The following HECW1 variants were observed in gnomAD, a reference collection of about 807,000 sequenced individuals.
HECW1 encodes the protein HECT, C2 and WW domain containing E3 ubiquitin protein ligase 1.
In HECW1, 61 loss-of-function variants were observed where a neutral mutation model predicts 182.3. That is an observed-to-expected ratio of 0.33 (90% CI 0.27 to 0.41). The LOEUF (loss-of-function observed/expected upper bound fraction) is 0.41, where lower values mean the gene tolerates loss of function less well. Among genes scored for constraint, HECW1 ranks in the 10% least tolerant of loss-of-function variants. HECW1 has a pLI of 1.00. For missense variants in HECW1, 1,739 were observed against 2,108.9 expected (o/e 0.82, Z 3.44); for synonymous variants, 859 against 832.6 (o/e 1.03, Z -0.55).
intron 2 of HECW1, among the ~76,000 whole-genome samples, chr7:43,125,584 G>A (rs189055136): frequency 6.6e-6 from 1 of 150,566 alleles, no homozygotes; most frequent in African/African-American, 2.5e-5. Context: ...GTGAAACCTC[G>A]TCTGTACTAA....
chr7:43,340,890 C>T (rs1268244690), intron 5 of HECW1, among the ~76,000 whole-genome samples: 1 of 151,668 alleles, frequency 6.6e-6, no homozygotes, highest in Non-Finnish European at 1.5e-5. Context: ...CTCACAATAG[C>T]AAAGACTTGG....
intron 3 of HECW1, among the ~76,000 whole-genome samples, chr7:43,310,451 T>C (rs1389114311): frequency 6.6e-6 from 1 of 152,204 alleles, no homozygotes; most frequent in Non-Finnish European, 1.5e-5. Flanking sequence ...GAGATGCTTT[T>C]TGGAGTCTGT....
intron 3 of HECW1, among the ~76,000 whole-genome samples, chr7:43,309,307 G>T (rs1160324817): frequency 6.6e-6 from 1 of 152,144 alleles, no homozygotes; most frequent in Non-Finnish European, 1.5e-5. Flanking sequence ...GTGGGAGAGG[G>T]TGGGGTGCAA....
At chr7:43,339,029 G>T (rs1216181506) in intron 5 of HECW1, among the ~76,000 whole-genome samples, 1 of 152,116 alleles carries the variant, frequency 6.6e-6, no homozygotes, top group Admixed American at 6.5e-5. Context: ...AAAAGTCAAT[G>T]GTTAGTCTTT....
At chr7:43,252,642 G>T (rs1362306896) in intron 3 of HECW1, among the ~76,000 whole-genome samples, 1 of 152,162 alleles carries the variant, frequency 6.6e-6, no homozygotes, top group Non-Finnish European at 1.5e-5. Flanking sequence ...TTTGATCATT[G>T]GTTATGAGTT....
intron 2 of HECW1, among the ~76,000 whole-genome samples, chr7:43,239,516 G>A (rs1038310792): frequency 1.3e-5 from 2 of 152,180 alleles, no homozygotes; most frequent in Non-Finnish European, 2.9e-5. Context: ...GAGGCGGGCC[G>A]TAAATTTCCT....
At chr7:43,143,128 G>A (rs985108286) in intron 2 of HECW1, among the ~76,000 whole-genome samples, 6 of 152,112 alleles carry the variant, frequency 3.9e-5, no homozygotes, top group East Asian at 3.9e-4. Flanking sequence ...ATGCCACCAC[G>A]CCCAGCTAAT....
At chr7:43,465,532 A>G (rs1403578667) in intron 14 of HECW1, among the ~76,000 whole-genome samples, 2 of 152,202 alleles carry the variant, frequency 1.3e-5, no homozygotes, top group Non-Finnish European at 2.9e-5. Context: ...AGGTCTCTTG[A>G]AACCCTGATG....
At chr7:43,425,727 A>T (rs1277398029) in intron 8 of HECW1, among the ~76,000 whole-genome samples, 19 of 152,142 alleles carry the variant, frequency 1.2e-4, no homozygotes, top group Admixed American at 1.2e-3. Context: ...AACCAGGCCA[A>T]AGTCATCCTT....
chr7:43,306,379 T>A (rs1584410758), intron 3 of HECW1, among the ~76,000 whole-genome samples: 1 of 82,566 alleles, frequency 1.2e-5, no homozygotes, highest in Non-Finnish European at 2.2e-5. Context: ...TAAGCTTTGA[T>A]TTTTTTTTTT....
At chr7:43,259,481 ACAGAAG>A (rs572317616) in intron 3 of HECW1, among the ~76,000 whole-genome samples, 12 of 152,218 alleles carry the variant, frequency 7.9e-5, no homozygotes, top group Non-Finnish European at 1.5e-4. Flanking sequence ...AATACTATCA[ACAGAAG>A]CAGGCCCACA....
At chr7:43,223,819 A>G (rs1346352632) in intron 2 of HECW1, among the ~76,000 whole-genome samples, 1 of 152,166 alleles carries the variant, frequency 6.6e-6, no homozygotes, top group Non-Finnish European at 1.5e-5. Context: ...CTCCTGCCTC[A>G]GGGCCTTTGC....
At chr7:43,308,100 T>G (rs1480167849) in intron 3 of HECW1, among the ~76,000 whole-genome samples, 1 of 105,720 alleles carries the variant, frequency 9.5e-6, no homozygotes, top group Admixed American at 1.4e-4. Flanking sequence ...TTATATATGT[T>G]ATATATAATA....
At chr7:43,553,414 A>C (rs895733678) in intron 28 of HECW1, among the ~76,000 whole-genome samples, 1 of 152,178 alleles carries the variant, frequency 6.6e-6, no homozygotes, top group Non-Finnish European at 1.5e-5. Flanking sequence ...ATGGTGACTC[A>C]TGCCTGTAAT....
At chr7:43,270,075 G>T (rs1802224439) in intron 3 of HECW1, among the ~76,000 whole-genome samples, 1 of 152,170 alleles carries the variant, frequency 6.6e-6, no homozygotes, top group African/African-American at 2.4e-5. Flanking sequence ...CTCAATAATT[G>T]TTGGATTTTT....
intron 2 of HECW1, among the ~76,000 whole-genome samples, chr7:43,178,709 G>T (rs897734838): frequency 6.6e-6 from 1 of 152,192 alleles, no homozygotes; most frequent in Admixed American, 6.5e-5. Flanking sequence ...AAAGAAACAT[G>T]TCCAAGGTGC....
Position 43,285,653 on chromosome 7 carries a change from A to T in HECW1, c.28-26110A>T, listed in dbSNP as rs12540702. 9.3e-3 allele frequency among the ~76,000 whole-genome samples: 1,414 copies of T among 152,234 alleles called. 60 individuals are homozygous for T. Among genetic ancestry groups the T allele is most frequent in the Admixed American group, 0.061 (929 of 15,262 alleles). The stretch of plus-strand genomic sequence containing the variant: ...GGCAAGACCCCATCTTTATTAAAAA[A>T]TTTTTAAAAATAGCTGGGTGTGGTG... On this transcript the variant is annotated intron_variant, in intron 3 of 29. Transcript: ENST00000395891.
intron 8 of HECW1, among the ~76,000 whole-genome samples, chr7:43,428,398 C>T (rs2076428270): frequency 6.6e-6 from 1 of 152,206 alleles, no homozygotes; most frequent in Admixed American, 6.5e-5. Context: ...GCTCAGTTCA[C>T]ATCACGTGTG....
chr7:43,268,497 A>G (rs142644153), intron 3 of HECW1, among the ~76,000 whole-genome samples: 31 of 152,316 alleles, frequency 2.0e-4, no homozygotes, highest in African/African-American at 7.0e-4. Flanking sequence ...TGACTTGGAC[A>G]TGCTACTGGA....
Sources: gnomAD v4.1 joint callset for allele counts (sites outside exome capture counted in the v4.1 genomes callset) on GRCh38, gnomAD v4.1.1 for gene constraint, MANE v1.5 for transcripts, NCBI Gene and HGNC (gene_info 2026-07-23, HGNC 2026-07-21) for gene names.